Variants in DPH6 observed in about 807,000 individuals in gnomAD.
The protein encoded by DPH6 is diphthine--ammonia ligase.
A neutral mutation model predicts 38.2 loss-of-function variants in DPH6; 33 were observed. That is an observed-to-expected ratio of 0.86 (90% CI 0.65 to 1.15). The LOEUF (loss-of-function observed/expected upper bound fraction) is 1.15, where lower values mean the gene tolerates loss of function less well. Ranked by LOEUF, DPH6 falls within the 50% of genes most tolerant of loss-of-function variation. The probability of loss-of-function intolerance (pLI) is 0.00; values close to 1 mark genes in which losing one functional copy is unlikely to be tolerated. For missense variants in DPH6, 325 were observed against 320.0 expected, an observed-to-expected ratio of 1.02 and a Z score of -0.12; for synonymous variants, 108 against 103.0, an observed-to-expected ratio of 1.05 and a Z score of -0.30.
At chr15:35,431,158 C>T (rs181117445) in intron 5 of DPH6, among the ~76,000 whole-genome samples, 1 of 152,100 alleles carries the variant, frequency 6.6e-6, no homozygotes, top group East Asian at 1.9e-4. Context: ...ACAGAAAAAG[C>T]GGCAAACGAA....
chr15:35,410,821 G>GGCC lies in DPH6; in HGVS notation c.567+13_567+14insGGC. The GGCC allele has an allele frequency of 6.3e-7, 1 of 1,584,452 alleles. No homozygotes were observed. ...TTAGATGGCTACATTTTGAGATCTAGTATAAATTCTTACCTCTATGAGATA... is the reference window on the plus strand; with the variant it reads ...TTAGATGGCTACATTTTGAGATCTAGGCCTATAAATTCTTACCTCTATGAGATA... On this transcript the variant is annotated intron_variant, in intron 6 of 8. Coordinates refer to ENST00000256538, the MANE Select transcript of DPH6 (RefSeq NM_080650.4).
intron 3 of DPH6, among the ~76,000 whole-genome samples, chr15:35,513,934 T>C (rs1309561212): frequency 1.3e-5 from 2 of 152,072 alleles, no homozygotes; most frequent in African/African-American, 2.4e-5. Context: ...TAAAAGTCTT[T>C]TTCTTGGTTG....
At chr15:35,285,662 A>G (rs1456462525) in intron 3 of DPH6, among the ~76,000 whole-genome samples, 2 of 152,114 alleles carry the variant, frequency 1.3e-5, no homozygotes, top group African/African-American at 2.4e-5. Context: ...TTTTCAAATT[A>G]AAATTTTCAA....
intron 3 of DPH6, chr15:35,521,421 T>C: frequency 2.7e-6 from 3 of 1,127,420 alleles, no homozygotes; most frequent in Non-Finnish European, 3.3e-6. Flanking sequence ...AGGAAGTAAA[T>C]GAACAAATTC....
intron 6 of DPH6, chr15:35,401,703 C>A: frequency 2.7e-6 from 2 of 732,486 alleles, no homozygotes. Flanking sequence ...TGCCAAACCA[C>A]GACACCAAGG....
intron 3 of DPH6, among the ~76,000 whole-genome samples, chr15:35,471,194 T>C (rs2054194696): frequency 1.3e-5 from 2 of 152,182 alleles, no homozygotes; most frequent in South Asian, 4.1e-4. Flanking sequence ...TACCCTTCTG[T>C]GCTTCCTCAT....
intron 3 of DPH6, among the ~76,000 whole-genome samples, chr15:35,292,550 T>C (rs1243362994): frequency 6.6e-6 from 1 of 152,138 alleles, no homozygotes; most frequent in Non-Finnish European, 1.5e-5. Context: ...TCTTCATTAT[T>C]TTTTTCGGCT....
rs530307090 is a variant in DPH6, at chr15:35,476,373, A to C, written c.313-21553T>G. ...AAAAACAGAAGAACTGAGAAGGTTC[A>C]GTTTGACTCCATCCTGCTGTGTTAA... On this transcript the variant is annotated intron_variant, in intron 3 of 8. Transcript: ENST00000256538. 3.3e-5 allele frequency among the ~76,000 whole-genome samples: 5 copies of C among 151,968 alleles called. No homozygotes were observed. The South Asian group carries it at 1.0e-3, about 31-fold the overall frequency.
At chr15:35,228,233 C>A (rs1168924225) in intron 3 of DPH6, among the ~76,000 whole-genome samples, 1 of 152,110 alleles carries the variant, frequency 6.6e-6, no homozygotes, top group African/African-American at 2.4e-5. Context: ...AAGTGTCCCC[C>A]AACTTTTAAA....
chr15:35,417,836 T>G (rs999200607), intron 5 of DPH6, among the ~76,000 whole-genome samples: 2 of 152,078 alleles, frequency 1.3e-5, no homozygotes, highest in East Asian at 3.9e-4. Flanking sequence ...AAATAAACCC[T>G]AGTATCTAGA....
At chr15:35,519,085 CCTG>C (rs1220149577) in intron 3 of DPH6, 3 of 151,712 alleles carry the variant, frequency 2.0e-5, no homozygotes, top group Non-Finnish European at 4.4e-5. Context: ...AAATATGATT[CCTG>C]CTTTTATTAT....
At chr15:35,319,757 C>A (rs1023742216) in intron 3 of DPH6, among the ~76,000 whole-genome samples, 1 of 151,376 alleles carries the variant, frequency 6.6e-6, no homozygotes, top group African/African-American at 2.4e-5. Flanking sequence ...ATATGTATTT[C>A]TTACATATAT....
At chr15:35,225,294 T>A (rs2051473031) in intron 3 of DPH6, among the ~76,000 whole-genome samples, 1 of 152,212 alleles carries the variant, frequency 6.6e-6, no homozygotes, top group African/African-American at 2.4e-5. Context: ...CTATTACTGG[T>A]GATGTTAATC....
chr15:35,409,883 G>A (rs1000992208), intron 6 of DPH6, among the ~76,000 whole-genome samples: 2 of 150,980 alleles, frequency 1.3e-5, no homozygotes, highest in Non-Finnish European at 3.0e-5. Context: ...TATCTGCCTG[G>A]AATATACTAG....
chr15:35,411,812 G>A (rs1308352730), intron 5 of DPH6, among the ~76,000 whole-genome samples: 1 of 151,578 alleles, frequency 6.6e-6, no homozygotes. Context: ...ATATCCACAT[G>A]CAAAAAAATG....
intron 3 of DPH6, among the ~76,000 whole-genome samples, chr15:35,236,607 C>T (rs2051553524): frequency 6.6e-6 from 1 of 151,326 alleles, no homozygotes; most frequent in Non-Finnish European, 1.5e-5. Flanking sequence ...CCACTGCACT[C>T]CAGCCTGGGC....
the DPH6 span, among the ~76,000 whole-genome samples, chr15:35,146,076 T>C: frequency 2.3e-5 from 1 of 44,402 alleles, no homozygotes; most frequent in South Asian, 9.1e-4. Flanking sequence ...TTTCTGTGTG[T>C]GTGTGTGTGT....
chr15:35,299,412 A>G (rs990340688), intron 3 of DPH6: 2 of 794,288 alleles, frequency 2.5e-6, no homozygotes, highest in Non-Finnish European at 4.6e-6. Context: ...TTTTTGAGTC[A>G]CTGGTTTCCT....
chr15:35,542,324 T>C, intron 2 of DPH6, 89 bp downstream of exon 2: 1 of 1,086,486 alleles, frequency 9.2e-7, no homozygotes, highest in East Asian at 2.4e-5. Context: ...TCTTTTTTTT[T>C]CATCTTTGTA....
Sources: allele counts gnomAD v4.1 joint callset (sites outside exome capture counted in the v4.1 genomes callset), GRCh38; gene constraint gnomAD v4.1.1; transcripts MANE v1.5; gene names NCBI Gene and HGNC (gene_info 2026-07-23, HGNC 2026-07-21).